Variants in MKNK1 observed in about 807,000 individuals in gnomAD.
The protein encoded by MKNK1 is MAP kinase-interacting serine/threonine-protein kinase 1.
Under a neutral mutation model 49.3 loss-of-function variants are expected in MKNK1, and 30 were observed. The ratio of observed to expected loss-of-function variants is 0.61; its 90% CI spans 0.46 to 0.83. The LOEUF is 0.83. MKNK1 is among the 40% of genes least tolerant of loss of function. MKNK1 has a pLI of 0.00. For missense variants in MKNK1, 423 were observed against 524.7 expected, an observed-to-expected ratio of 0.81 and a Z score of 1.89; for synonymous variants, 176 against 201.7, an observed-to-expected ratio of 0.87 and a Z score of 1.08.
intron 3 of MKNK1, chr1:46,582,836 G>A (rs113600718): frequency 6.9e-5 from 32 of 465,538 alleles, no homozygotes; most frequent in South Asian, 2.0e-4. Context: ...TTTCATTTGC[G>A]GCCATGGCCT....
rs189706292 is a variant in MKNK1, at chr1:46,572,388, C to T, written c.353-221G>A. The T allele has an allele frequency of 6.3e-3, 1,989 of 317,672 alleles. 14 individuals are homozygous for T. Among genetic ancestry groups the T allele is most frequent in the Admixed American group, 0.035 (831 of 23,834 alleles). The allele number at this position is 317,672 out of a possible 1,614,324, so 19.7% of individuals were successfully genotyped here. On this transcript the variant is annotated intron_variant, in intron 6 of 12. Transcript: ENST00000371945. ...CCACCATGTCCAGCTAATTTTTGTA[C>T]TTTTTTTTTTTAGTAGAGATGGGGT...
At chr1:46,591,158 CAT>C (rs755410317) in intron 2 of MKNK1, among the ~76,000 whole-genome samples, 7 of 152,194 alleles carry the variant, frequency 4.6e-5, no homozygotes, top group Non-Finnish European at 7.3e-5. Flanking sequence ...AGATTTAACA[CAT>C]GATGGATGAA....
intron 5 of MKNK1, 68 bp from the exon 6 acceptor site, chr1:46,575,088 C>T (rs1378366802): frequency 9.9e-7 from 1 of 1,014,486 alleles, no homozygotes; most frequent in East Asian, 2.5e-5. Context: ...AGTCTACTTA[C>T]AAATATACAA....
chr1:46,568,816 G>A (rs1669564995), intron 7 of MKNK1: 2 of 310,806 alleles, frequency 6.4e-6, no homozygotes, highest in Non-Finnish European at 1.2e-5. Flanking sequence ...AGAGCAGAGA[G>A]CTCTGCAAAC....
At chr1:46,572,314 G>A (rs927253357) in intron 6 of MKNK1, 147 bp from the exon 7 acceptor site, 4 of 566,376 alleles carry the variant, frequency 7.1e-6, no homozygotes, top group Non-Finnish European at 1.3e-5. Flanking sequence ...CCGGGTTCAA[G>A]CGATTCTCCT....
chr1:46,601,197 G>T (rs543887692), intron 1 of MKNK1, among the ~76,000 whole-genome samples: 1 of 152,220 alleles, frequency 6.6e-6, no homozygotes, highest in Admixed American at 6.5e-5. Flanking sequence ...GATTACAGGC[G>T]TGAGCCACAC....
At chr1:46,561,348 G>T in intron 11 of MKNK1, 130 bp downstream of exon 11, 1 of 1,026,900 alleles carries the variant, frequency 9.7e-7, no homozygotes, top group Non-Finnish European at 1.4e-6. Context: ...CACACTCAGG[G>T]ATAGACGCTG....
At chr1:46,580,436 C>T (rs1026232337) in intron 4 of MKNK1, 94 bp downstream of exon 4, 1 of 879,260 alleles carries the variant, frequency 1.1e-6, no homozygotes, top group Non-Finnish European at 1.9e-6. Context: ...CTTCAGAGTC[C>T]CCATTCTTAT....
At chr1:46,566,833 G>C (rs1008092242) in intron 8 of MKNK1, among the ~76,000 whole-genome samples, 1 of 152,140 alleles carries the variant, frequency 6.6e-6, no homozygotes, top group African/African-American at 2.4e-5. Context: ...AAATTGGTTT[G>C]TCTTTTTGTT....
At chr1:46,587,236 C>T (rs968399830) in intron 2 of MKNK1, among the ~76,000 whole-genome samples, 11 of 152,198 alleles carry the variant, frequency 7.2e-5, no homozygotes, top group African/African-American at 2.7e-4. Context: ...TCTGGAGGCT[C>T]CCAGCACTTC....
intron 4 of MKNK1, among the ~76,000 whole-genome samples, chr1:46,579,435 C>T (rs1226860941): frequency 1.3e-5 from 2 of 152,156 alleles, no homozygotes; most frequent in Non-Finnish European, 2.9e-5. Flanking sequence ...CCACAGAGAT[C>T]CAGACCCTAT....
chr1:46,567,948 CCT>C (rs1570094745), intron 8 of MKNK1, among the ~76,000 whole-genome samples: 1 of 152,036 alleles, frequency 6.6e-6, no homozygotes, highest in Non-Finnish European at 1.5e-5. Context: ...TGGTGAAACC[CCT>C]GTCTCTACTA....
intron 4 of MKNK1, among the ~76,000 whole-genome samples, chr1:46,579,004 T>A (rs890900655): frequency 6.6e-6 from 1 of 152,224 alleles, no homozygotes; most frequent in African/African-American, 2.4e-5. Flanking sequence ...TCAGCCCGCC[T>A]CAGCCTCCCA....
At chr1:46,574,303 C>CT (rs1670638257) in intron 6 of MKNK1, 1 of 152,242 alleles carries the variant, frequency 6.6e-6, no homozygotes, top group African/African-American at 2.4e-5. Context: ...TAAGCTTTAG[C>CT]TGTGTTGGTT....
intron 1 of MKNK1, among the ~76,000 whole-genome samples, chr1:46,599,396 A>C (rs1460596234): frequency 6.6e-6 from 1 of 152,202 alleles, no homozygotes; most frequent in Non-Finnish European, 1.5e-5. Flanking sequence ...CCCATGCCTG[A>C]AATACCAGGG....
intron 2 of MKNK1, chr1:46,593,854 T>A (rs1011725616): frequency 7.6e-6 from 1 of 131,276 alleles, no homozygotes; most frequent in Non-Finnish European, 1.5e-5. Context: ...AGACTCTATC[T>A]GAAAAAAAAA....
chr1:46,564,982 C>G, intron 9 of MKNK1, 59 bp downstream of exon 9: 1 of 1,534,684 alleles, frequency 6.5e-7, no homozygotes, highest in East Asian at 2.2e-5. Flanking sequence ...TCTGGACCTC[C>G]CAGCTCTGGA....
At chr1:46,592,568 G>C (rs1673486669) in intron 2 of MKNK1, among the ~76,000 whole-genome samples, 1 of 152,208 alleles carries the variant, frequency 6.6e-6, no homozygotes, top group African/African-American at 2.4e-5. Context: ...TAGAGCAAGA[G>C]GGCTGAAAGA....
At chr1:46,590,440 T>G (rs764343855) in intron 2 of MKNK1, among the ~76,000 whole-genome samples, 34 of 152,208 alleles carry the variant, frequency 2.2e-4, no homozygotes, top group Non-Finnish European at 4.1e-4. Context: ...ACGCTACACT[T>G]TACATATACT....
Sources: allele counts gnomAD v4.1 joint callset (sites outside exome capture counted in the v4.1 genomes callset), GRCh38; gene constraint gnomAD v4.1.1; transcripts MANE v1.5; gene names NCBI Gene and HGNC (gene_info 2026-07-23, HGNC 2026-07-21).